ARHGEF17: variants seen among roughly 807,000 people sequenced by gnomAD.
The protein encoded by ARHGEF17 is 164 kDa Rho-specific guanine-nucleotide exchange factor.
In ARHGEF17, 80 loss-of-function variants were observed where a neutral mutation model predicts 174.0. The ratio of observed to expected loss-of-function variants is 0.46; its 90% confidence interval spans 0.38 to 0.55. The LOEUF is 0.55. ARHGEF17 is among the 20% of genes least tolerant of loss of function. ARHGEF17 has a pLI of 0.00. For synonymous variants in ARHGEF17, 1,311 were observed against 1,189.1 expected, an observed-to-expected ratio of 1.10 and a Z score of -2.11; for missense variants, 2,886 against 2,839.7, an observed-to-expected ratio of 1.02 and a Z score of -0.37.
chr11:73,330,097 A>G (rs187904072), intron 1 of ARHGEF17, among the ~76,000 whole-genome samples: 16 of 152,130 alleles, frequency 1.1e-4, no homozygotes, highest in Admixed American at 1.0e-3. Context: ...TCCTTTGTCT[A>G]TTTTTCTGTT....
chr11:73,337,519 A>C (rs1421611872), intron 1 of ARHGEF17, among the ~76,000 whole-genome samples: 1 of 152,090 alleles, frequency 6.6e-6, no homozygotes, highest in Non-Finnish European at 1.5e-5. Flanking sequence ...CCCAGAGCTC[A>C]AGTGATCCTC....
Position 73,346,975 on chromosome 11 carries a change from C to T in ARHGEF17, c.3270+15C>T, listed in dbSNP as rs1308705012. 3.1e-6 allele frequency: 5 copies of T among 1,588,218 alleles called. No homozygotes were observed. The highest frequency in any genetic ancestry group is 4.3e-6 in the Non-Finnish European group (5 of 1,164,356). ...CCCTGATGCAGGTGGGGCTCGGGGC[C>T]CACTCCCCTGAGAATGGCCTTTCTG... On this transcript the variant is annotated intron_variant, in intron 2 of 20. Coordinates refer to ENST00000263674, the MANE Select transcript of ARHGEF17 (RefSeq NM_014786.4).
intron 1 of ARHGEF17, among the ~76,000 whole-genome samples, chr11:73,337,670 T>G (rs1178189653): frequency 1.3e-5 from 2 of 152,164 alleles, no homozygotes; most frequent in Non-Finnish European, 2.9e-5. Flanking sequence ...TCCTCCTGCC[T>G]CAGCCTCCCA....
chr11:73,361,566 T>TA (rs1865738473), intron 12 of ARHGEF17, among the ~76,000 whole-genome samples: 1 of 152,150 alleles, frequency 6.6e-6, no homozygotes, highest in Admixed American at 6.5e-5. Flanking sequence ...ATTTGATGTG[T>TA]AGAGGGTCAC....
At chr11:73,354,597 CCAG>C (rs1320529276) in intron 3 of ARHGEF17, among the ~76,000 whole-genome samples, 1 of 152,080 alleles carries the variant, frequency 6.6e-6, no homozygotes, top group Non-Finnish European at 1.5e-5. Context: ...ACCTGTAATC[CCAG>C]CTACTCCGGA....
intron 4 of ARHGEF17, 51 bp from the exon 5 acceptor site, chr11:73,355,810 T>C (rs1182676620): frequency 6.2e-7 from 1 of 1,609,582 alleles, no homozygotes; most frequent in Admixed American, 1.7e-5. Context: ...TCCCTGGACA[T>C]AGTCTTCCTG....
chr11:73,309,331 C>CTCT lies in ARHGEF17; in HGVS notation c.695_696insTTC (p.Ser235dup), dbSNP rs1401000961. 1 of 1,529,346 alleles carries CTCT rather than the reference C, an allele frequency of 6.5e-7. No individual in the cohort carries two copies. The allele number at this position is 1,529,346 out of a possible 1,614,324, so 94.7% of individuals were successfully genotyped here. The stretch of plus-strand genomic sequence containing the variant: ...CGCAGGCCGGGGCCCGGGCCTCCTG[C>CTCT]TCCTCCTCCTCCATCGCCGCCTCCT... On this transcript the variant is annotated inframe_insertion, in exon 1 of 21. Transcript: ENST00000263674.
intron 7 of ARHGEF17, 78 bp from the exon 8 acceptor site, chr11:73,356,947 C>G: frequency 3.3e-6 from 5 of 1,531,854 alleles, no homozygotes; most frequent in Non-Finnish European, 4.5e-6. Flanking sequence ...GTCTCAGTGT[C>G]CCCTTGGGCA....
chr11:73,366,131 G>T (rs1400848111), intron 20 of ARHGEF17, among the ~76,000 whole-genome samples, 184 bp downstream of exon 20: 1 of 152,122 alleles, frequency 6.6e-6, no homozygotes, highest in Admixed American at 6.5e-5. Flanking sequence ...GTGTGTGTGT[G>T]TGTGTGTGTG....
chr11:73,308,620 C>A lies in ARHGEF17; in HGVS notation c.-19C>A, dbSNP rs1565181842. 9.0e-6 allele frequency: 13 copies of A among 1,449,044 alleles called. No homozygotes were observed. Among genetic ancestry groups the A allele is most frequent in the Non-Finnish European group, 1.2e-5 (13 of 1,104,850 alleles). 89.8% of individuals were successfully genotyped at this position (1,449,044 alleles called of 1,614,324 possible). A position where few individuals can be genotyped will look rare whatever the true frequency, so the allele number is the denominator to read the frequency against. The stretch of plus-strand genomic sequence containing the variant: ...CGCGGCTGCCCGAGGCCAGCCCCCC[C>A]GGAGTGAGTTACGCCACTATGGCGG... On this transcript the variant is annotated 5_prime_UTR_variant, in exon 1 of 21. Coordinates refer to ENST00000263674, the MANE Select transcript of ARHGEF17 (RefSeq NM_014786.4).
chr11:73,311,858 T>A (rs755734327), intron 1 of ARHGEF17, 28 bp downstream of exon 1: 2 of 1,567,026 alleles, frequency 1.3e-6, no homozygotes, highest in African/African-American at 1.4e-5. Context: ...GCCTTCAGAT[T>A]GGGGCCAAAG....
chr11:73,359,487 C>T (rs185616554), intron 9 of ARHGEF17, among the ~76,000 whole-genome samples: 5 of 152,236 alleles, frequency 3.3e-5, no homozygotes, highest in Non-Finnish European at 5.9e-5. Context: ...TCTGTCAGCA[C>T]GCCCACGGGA....
rs745335106 is a variant in ARHGEF17 at position 73,309,835 on chromosome 11, C to G, written c.1197C>G (p.Leu399=). The change falls in exon 1 of 21, where the codon CTC becomes CTG. Residue 399 remains leucine (L), a synonymous_variant. Transcript: ENST00000263674. ...GCCGTTATTCCAGCACGGAGACCCT[C>G]AAGGACGACGACCTATGGTCTAGTA... The part of the protein sequence containing the change: ...GSSRYSSTET[L]KDDDLWSSRG... 5.6e-6 allele frequency: 9 copies of G among 1,613,208 alleles called. No individual in the cohort carries two copies. Among genetic ancestry groups the G allele is most frequent in the East Asian group, 2.2e-5 (1 of 44,884 alleles).
At position 73,360,323 on chromosome 11, in the gene ARHGEF17, C is replaced by T; in HGVS notation, c.4210C>T (p.Leu1404=). The part of the protein sequence containing the change: ...SESLGFPHQS[L]DDALRDLSAA... ...GCCTGGGCCCTCTTCCCCACAGAGCCTGGACGATGCACTGCGGGACCTCTC... is the reference window on the plus strand; with the variant it reads ...GCCTGGGCCCTCTTCCCCACAGAGCTTGGACGATGCACTGCGGGACCTCTC... The change falls in exon 11 of 21, where the codon CTG becomes TTG. Residue 1404 remains leucine, a synonymous_variant. Coordinates refer to ENST00000263674, the MANE Select transcript of ARHGEF17 (RefSeq NM_014786.4). The T allele has an allele frequency of 6.2e-7, 1 of 1,613,590 alleles. No homozygotes were observed. Among genetic ancestry groups the T allele is most frequent in the Non-Finnish European group, 8.5e-7 (1 of 1,180,030 alleles).
intron 6 of ARHGEF17, 69 bp from the exon 7 acceptor site, chr11:73,356,639 AC>A: frequency 1.3e-6 from 2 of 1,592,014 alleles, no homozygotes; most frequent in Admixed American, 3.4e-5. Flanking sequence ...CCGAGGGATC[AC>A]TGGGATTTTT....
At position 73,365,275 on chromosome 11, in the gene ARHGEF17, C is replaced by T; in HGVS notation, c.5551-115C>T. 2 of 1,232,672 alleles carry T rather than the reference C, an allele frequency of 1.6e-6. No homozygotes were observed. The allele number at this position is 1,232,672 out of a possible 1,614,324, so 76.4% of individuals were successfully genotyped here. Reference sequence around the variant, plus strand: ...CCAAGCTTCGAAAGGTTAATCAGACCAAGGACCAACGCTAGTGTGAGTTGT... The same window carrying T: ...CCAAGCTTCGAAAGGTTAATCAGACTAAGGACCAACGCTAGTGTGAGTTGT... On this transcript the variant is annotated intron_variant, in intron 18 of 20. Coordinates refer to ENST00000263674, the MANE Select transcript of ARHGEF17 (RefSeq NM_014786.4). The surrounding 1 kb of genome is among the most constrained non-coding windows in gnomAD (Gnocchi z 4.9).
At chr11:73,340,715 G>T (rs2134406818) in intron 1 of ARHGEF17, among the ~76,000 whole-genome samples, 1 of 152,346 alleles carries the variant, frequency 6.6e-6, no homozygotes, top group South Asian at 2.1e-4. Context: ...AGTATCCTCA[G>T]TGACCAAGCA....
chr11:73,352,869 C>A lies in ARHGEF17; in HGVS notation c.3310C>A (p.Leu1104Ile). Residue 1104 changes from leucine to isoleucine, a missense_variant, in exon 3 of 21, where the codon CTC becomes ATC. By Grantham distance (5) the Leu-to-Ile change is conservative. Transcript: ENST00000263674. ...GCTGAAGCAGCCAGAGAACTCCGTG[C>A]TCTGTGACCCTTCACTGGTGGACGA... ...QPLKQPENSV[L>I]CDPSLVDEIF... The A allele has an allele frequency of 6.2e-7, 1 of 1,614,104 alleles. No homozygotes were observed. The highest frequency in any genetic ancestry group is 8.5e-7 in the Non-Finnish European group (1 of 1,180,034).
intron 1 of ARHGEF17, among the ~76,000 whole-genome samples, chr11:73,320,354 G>A (rs1480222432): frequency 4.0e-5 from 6 of 151,856 alleles, no homozygotes; most frequent in East Asian, 3.9e-4. Flanking sequence ...TTTGTTTTTC[G>A]GCCGGGCGCT....
Sources: allele counts gnomAD v4.1 joint callset (sites outside exome capture counted in the v4.1 genomes callset), GRCh38; gene constraint gnomAD v4.1.1; non-coding constraint Gnocchi (gnomAD v3.1); transcripts MANE v1.5; gene names NCBI Gene and HGNC (gene_info 2026-07-23, HGNC 2026-07-21).